The following ANK2 variants were observed in gnomAD, a reference collection of about 807,000 sequenced individuals.
The protein encoded by ANK2 is ankyrin-2.
Under a neutral mutation model 360.5 loss-of-function variants are expected in ANK2, and 83 were observed. The ratio of observed to expected loss-of-function variants is 0.23; its 90% CI spans 0.19 to 0.28. ANK2 has a LOEUF of 0.28. Among genes scored for constraint, ANK2 ranks in the 10% least tolerant of loss-of-function variants. The pLI is 1.00. For missense variants in ANK2, 4,201 were observed against 4,795.7 expected (o/e 0.88, Z 3.66); for synonymous variants, 1,740 against 1,759.5 (o/e 0.99, Z 0.28).
chr4:112,811,529 ATCTC>A, the ANK2 span, among the ~76,000 whole-genome samples: 1 of 152,076 alleles, frequency 6.6e-6, no homozygotes, highest in Non-Finnish European at 1.5e-5. Context: ...AAATTACTAG[ATCTC>A]TCTATTATAA....
rs695002 is a variant in ANK2, at chr4:113,096,808, C to T, written c.84+46996C>T. On this transcript the variant is annotated intron_variant, in intron 1 of 45. Transcript: ENST00000357077. ...CTGTATGTAGAAACATAGAAAAAAA[C>T]CCAGTAAGTCGATTTTGCCACAATA... is the stretch of plus-strand genomic sequence containing the variant. Among the ~76,000 whole-genome samples the T allele has an allele frequency of 4.4e-4, 67 of 151,656 alleles. 1 individual carries two copies. The highest frequency in any genetic ancestry group is 1.5e-3 in the African/African-American group (62 of 41,348).
chr4:113,132,086 T>G (rs148377196), intron 1 of ANK2, among the ~76,000 whole-genome samples: 35 of 152,290 alleles, frequency 2.3e-4, no homozygotes, highest in African/African-American at 7.9e-4. Context: ...AGAAAACTAT[T>G]CAGAGATGTC....
chr4:113,014,355 G>A (rs762765125), intron 2 of ANK2, among the ~76,000 whole-genome samples: 5 of 152,106 alleles, frequency 3.3e-5, no homozygotes, highest in African/African-American at 4.8e-5. Flanking sequence ...TATGATAACC[G>A]TATGAAGGTT....
chr4:113,186,486 T>C (rs17045727), intron 2 of ANK2, among the ~76,000 whole-genome samples: 4,573 of 151,490 alleles, frequency 0.03, 241 homozygotes, highest in African/African-American at 0.1. Context: ...TCTAAACAGT[T>C]TTTTCTTCCC....
At chr4:112,955,240 C>A (rs190303710) in intron 2 of ANK2, among the ~76,000 whole-genome samples, 6 of 152,132 alleles carry the variant, frequency 3.9e-5, no homozygotes, top group Non-Finnish European at 1.5e-5. Context: ...TCAATTATTA[C>A]TTTTATAATA....
intron 1 of ANK2, among the ~76,000 whole-genome samples, chr4:113,059,941 T>C (rs1332844520): frequency 6.6e-6 from 1 of 152,090 alleles, no homozygotes; most frequent in Non-Finnish European, 1.5e-5. Context: ...TACACTTCAT[T>C]CTTAACTGAA....
intron 1 of ANK2, among the ~76,000 whole-genome samples, chr4:112,869,957 C>T (rs2072264826): frequency 6.6e-6 from 1 of 152,108 alleles, no homozygotes; most frequent in African/African-American, 2.4e-5. Flanking sequence ...GCTGGGATTA[C>T]AGCCACTGTA....
chr4:112,984,673 G>T (rs560245458), intron 2 of ANK2, among the ~76,000 whole-genome samples: 17 of 152,166 alleles, frequency 1.1e-4, no homozygotes, highest in Non-Finnish European at 1.2e-4. Flanking sequence ...GGCTTCCTGT[G>T]TAAAGAATAA....
chr4:112,967,090 G>C (rs1246109443), intron 2 of ANK2, among the ~76,000 whole-genome samples: 1 of 152,150 alleles, frequency 6.6e-6, no homozygotes, highest in East Asian at 1.9e-4. Context: ...ATCCCTTGAT[G>C]AAATAAATCC....
At chr4:113,058,580 T>C (rs1281469948) in intron 1 of ANK2, among the ~76,000 whole-genome samples, 1 of 152,124 alleles carries the variant, frequency 6.6e-6, no homozygotes, top group Non-Finnish European at 1.5e-5. Context: ...TGCTTATCCC[T>C]AAAGAATCCC....
intron 40 of ANK2, among the ~76,000 whole-genome samples, chr4:113,363,871 G>T (rs546727597): frequency 1.3e-4 from 20 of 152,290 alleles, no homozygotes; most frequent in African/African-American, 4.8e-4. Flanking sequence ...CATGCAAAGT[G>T]CTCTGAGCTG....
rs184812884 is a variant in ANK2 at position 113,195,906 on chromosome 4, A to G, written c.187-462A>G. 2.1e-3 allele frequency among the ~76,000 whole-genome samples: 325 copies of G among 152,310 alleles called. 2 individuals are homozygous for G. The highest frequency in any genetic ancestry group is 7.6e-3 in the African/African-American group (314 of 41,564). On this transcript the variant is annotated intron_variant, in intron 2 of 45. Coordinates refer to ENST00000357077, the MANE Select transcript of ANK2 (RefSeq NM_001148.6). Reference sequence around the variant, plus strand: ...TAGTTATAATATTAATCAAGGTATAACTGTTGTCTGTAAATCCCAGGAGGT... The same window carrying G: ...TAGTTATAATATTAATCAAGGTATAGCTGTTGTCTGTAAATCCCAGGAGGT...
At chr4:112,774,035 G>A in the ANK2 span, among the ~76,000 whole-genome samples, 1 of 151,876 alleles carries the variant, frequency 6.6e-6, no homozygotes, top group Middle Eastern at 3.4e-3. Flanking sequence ...TCCTGATCTC[G>A]TGATCTGCCT....
intron 2 of ANK2, among the ~76,000 whole-genome samples, chr4:113,012,013 T>A (rs972230636): frequency 2.0e-5 from 3 of 152,142 alleles, no homozygotes; most frequent in African/African-American, 7.2e-5. Context: ...TCAAATTTCA[T>A]CATGTTTAAA....
intron 1 of ANK2, among the ~76,000 whole-genome samples, chr4:113,076,802 A>AG (rs1491227729): frequency 1.1e-5 from 1 of 90,042 alleles, no homozygotes; most frequent in Admixed American, 1.1e-4. Context: ...TCTCAAAAAA[A>AG]GAAAAAAAAA....
intron 1 of ANK2, among the ~76,000 whole-genome samples, chr4:113,122,738 A>G (rs981702800): frequency 3.3e-5 from 5 of 152,206 alleles, no homozygotes; most frequent in Admixed American, 1.3e-4. Flanking sequence ...GGTAGTTTCC[A>G]TAGAATCATT....
intron 1 of ANK2, among the ~76,000 whole-genome samples, chr4:113,158,515 C>A (rs1480654093): frequency 6.6e-6 from 1 of 151,798 alleles, no homozygotes; most frequent in Non-Finnish European, 1.5e-5. Context: ...AAAAAATAAA[C>A]CAAATCAAAG....
At chr4:112,742,297 A>C in the ANK2 span, among the ~76,000 whole-genome samples, 1 of 152,160 alleles carries the variant, frequency 6.6e-6, no homozygotes, top group South Asian at 2.1e-4. Flanking sequence ...AATAAAATAA[A>C]AATAAAATAT....
At position 113,356,832 on chromosome 4, in the gene ANK2, T is replaced by C. The variant is rs180936398; in HGVS notation, c.8214T>C (p.Asp2738=). 2.4e-5 allele frequency: 38 copies of C among 1,614,056 alleles called. No homozygotes were observed. The East Asian group carries it at 8.5e-4, about 36-fold the overall frequency. ...CAGGCAAATCAGAAGAAGAAAAAGA[T>C]TCTGAATCCCATTTAGCTGAAGACC... ...EEPGKSEEEK[D]SESHLAEDRH... is the part of the protein sequence containing the mutation. Residue 2738 remains aspartate (D), a synonymous_variant, in exon 38 of 46, where the codon GAT becomes GAC. Coordinates refer to ENST00000357077, the MANE Select transcript of ANK2 (RefSeq NM_001148.6).
Sources: allele counts gnomAD v4.1 joint callset (sites outside exome capture counted in the v4.1 genomes callset), GRCh38; gene constraint gnomAD v4.1.1; transcripts MANE v1.5; gene names NCBI Gene and HGNC (gene_info 2026-07-23, HGNC 2026-07-21).